Variants in NTRK3 observed in about 807,000 individuals in gnomAD.
The protein encoded by NTRK3 is neurotrophic receptor tyrosine kinase 3.
Under a neutral mutation model 91.7 loss-of-function variants are expected in NTRK3, and 24 were observed. That is an observed-to-expected ratio of 0.26 (90% CI 0.19 to 0.37). The LOEUF is 0.37. NTRK3 is among the 10% of genes least tolerant of loss of function. The pLI is 1.00. For missense variants in NTRK3, 880 were observed against 1,068.9 expected, an observed-to-expected ratio of 0.82 and a Z score of 2.46; for synonymous variants, 483 against 404.0, an observed-to-expected ratio of 1.20 and a Z score of -2.34.
intron 13 of NTRK3, among the ~76,000 whole-genome samples, chr15:88,075,580 G>C (rs1597152820): frequency 6.7e-6 from 1 of 148,872 alleles, no homozygotes; most frequent in East Asian, 1.9e-4. Context: ...CAAAGGAGAA[G>C]TCTCCCTTTT....
chr15:87,964,158 T>G (rs902067381), intron 14 of NTRK3, among the ~76,000 whole-genome samples: 2 of 152,118 alleles, frequency 1.3e-5, no homozygotes, highest in Non-Finnish European at 2.9e-5. Flanking sequence ...TATATCTGTT[T>G]GTATATAATT....
intron 14 of NTRK3, among the ~76,000 whole-genome samples, chr15:87,974,708 T>C (rs1422875886): frequency 2.0e-5 from 3 of 152,142 alleles, no homozygotes; most frequent in East Asian, 1.9e-4. Context: ...AGCCCAACCA[T>C]GCTTTCATAC....
chr15:88,101,043 G>T (rs2050122336), intron 13 of NTRK3, among the ~76,000 whole-genome samples: 1 of 152,158 alleles, frequency 6.6e-6, no homozygotes, highest in African/African-American at 2.4e-5. Flanking sequence ...AAGAGCTGCT[G>T]CACAGCAAAA....
intron 13 of NTRK3, among the ~76,000 whole-genome samples, chr15:88,095,443 T>C (rs544099894): frequency 2.6e-5 from 4 of 152,314 alleles, no homozygotes; most frequent in South Asian, 2.1e-4. Flanking sequence ...CATGGCTCAC[T>C]TACAGGGTGT....
chr15:87,875,441 G>T (rs1018045185), exon 19 of NTRK3: 1 of 232,044 alleles, frequency 4.3e-6, no homozygotes, highest in African/African-American at 2.2e-5. Context: ...GAGGGAGCAG[G>T]CCCCAGCACA....
At position 87,945,803 on chromosome 15, in the gene NTRK3, GAAAAAAAAAAAAAA is replaced by G. The variant is rs34162356; in HGVS notation, c.1586-5064_1586-5051del. Among the ~76,000 whole-genome samples the G allele has an allele frequency of 6.6e-5, 7 of 106,768 alleles. No homozygotes were observed. The East Asian group carries it at 1.9e-3, about 29-fold the overall frequency. 70.0% of individuals were successfully genotyped at this position (106,768 alleles called of 152,430 possible). A position where few individuals can be genotyped will look rare whatever the true frequency, so the allele number is the denominator to read the frequency against. ...GCACTGCTGAAAGAGTGAAGACTGG[GAAAAAAAAAAAAAA>G]AAAAAAAAAAAACAGATCTCTATTG... On this transcript the variant is annotated intron_variant, in intron 14 of 18. Coordinates refer to ENST00000394480, the Ensembl canonical transcript of NTRK3.
chr15:88,052,228 C>G (rs560571068), intron 13 of NTRK3, among the ~76,000 whole-genome samples: 3 of 151,666 alleles, frequency 2.0e-5, no homozygotes, highest in African/African-American at 7.3e-5. Context: ...AGGTAGCCTG[C>G]ACTCAACACA....
chr15:87,982,285 C>T (rs2074356220), intron 14 of NTRK3, among the ~76,000 whole-genome samples: 1 of 152,190 alleles, frequency 6.6e-6, no homozygotes, highest in Non-Finnish European at 1.5e-5. Flanking sequence ...TGTCTCAGAA[C>T]AACCCCTGAG....
At chr15:87,886,676 C>CTACATATATATATATATATATATATA (rs1555429880) in intron 17 of NTRK3, among the ~76,000 whole-genome samples, 5 of 101,206 alleles carry the variant, frequency 4.9e-5, no homozygotes, top group East Asian at 5.5e-4. Context: ...CCACTTTTTG[C>CTACATATATATATATATATATATATA]TATATATATA....
intron 5 of NTRK3, among the ~76,000 whole-genome samples, chr15:88,162,165 T>C (rs992468276): frequency 6.6e-6 from 1 of 152,184 alleles, no homozygotes; most frequent in African/African-American, 2.4e-5. Flanking sequence ...AATCAGGATA[T>C]AAGGCTTCCA....
At chr15:88,152,300 TCAAAACAAAA>T (rs979655144) in intron 5 of NTRK3, among the ~76,000 whole-genome samples, 2 of 152,204 alleles carry the variant, frequency 1.3e-5, no homozygotes, top group African/African-American at 2.4e-5. Context: ...AAACTCCATC[TCAAAACAAAA>T]CAAAACAAAA....
chr15:87,958,291 T>G lies in NTRK3; in HGVS notation c.1586-17538A>C, dbSNP rs140186819. ...AACTCTGATGATTTCAGGAGAAGAG[T>G]AAGATAACTTCAGCCCACCTCAACT... On this transcript the variant is annotated intron_variant, in intron 14 of 18. Transcript: ENST00000394480. Among the ~76,000 whole-genome samples, 221 of 152,058 alleles carry G rather than the reference T, an allele frequency of 1.5e-3. 1 individual carries two copies. The highest frequency in any genetic ancestry group is 5.1e-3 in the African/African-American group (211 of 41,468).
chr15:88,116,347 G>A (rs2052065577), intron 13 of NTRK3, among the ~76,000 whole-genome samples: 1 of 152,018 alleles, frequency 6.6e-6, no homozygotes, highest in Non-Finnish European at 1.5e-5. Flanking sequence ...CACTTTGGGA[G>A]GCCCAGATGG....
intron 10 of NTRK3, among the ~76,000 whole-genome samples, chr15:88,130,916 G>T (rs1004473426): frequency 1.3e-5 from 2 of 152,186 alleles, no homozygotes; most frequent in Admixed American, 6.5e-5. Context: ...ACCTGGTTTC[G>T]ATCATTGCAT....
At chr15:88,035,295 A>C (rs2078974213) in intron 13 of NTRK3, among the ~76,000 whole-genome samples, 1 of 152,114 alleles carries the variant, frequency 6.6e-6, no homozygotes, top group South Asian at 2.1e-4. Context: ...CCCCGCCCCC[A>C]CTATCACCTT....
intron 3 of NTRK3, among the ~76,000 whole-genome samples, chr15:88,236,017 A>G (rs1285281104): frequency 6.6e-6 from 1 of 152,226 alleles, no homozygotes; most frequent in African/African-American, 2.4e-5. Flanking sequence ...TGTTACAACC[A>G]CTTCGGAAAA....
intron 5 of NTRK3, among the ~76,000 whole-genome samples, chr15:88,163,171 C>G (rs1428090652): frequency 6.6e-6 from 1 of 152,166 alleles, no homozygotes; most frequent in Admixed American, 6.5e-5. Context: ...TCCCCCAACA[C>G]AGCCCCAATG....
intron 13 of NTRK3, among the ~76,000 whole-genome samples, chr15:88,067,725 C>T (rs1034850806): frequency 6.6e-6 from 1 of 152,196 alleles, no homozygotes; most frequent in Non-Finnish European, 1.5e-5. Context: ...TCTAAATGCA[C>T]ATTCTGGGTT....
intron 5 of NTRK3, among the ~76,000 whole-genome samples, chr15:88,151,374 C>T (rs530461761): frequency 6.6e-6 from 1 of 152,284 alleles, no homozygotes; most frequent in South Asian, 2.1e-4. Flanking sequence ...GATGGCTGAA[C>T]CCTGGGCCCT....
Sources: gnomAD v4.1 joint callset for allele counts (sites outside exome capture counted in the v4.1 genomes callset) on GRCh38, gnomAD v4.1.1 for gene constraint, MANE v1.5 for transcripts, NCBI Gene and HGNC (gene_info 2026-07-23, HGNC 2026-07-21) for gene names.